The following MACROD2 variants were observed in gnomAD, a reference collection of about 807,000 sequenced individuals.
MACROD2 encodes mono-ADP ribosylhydrolase 2, also known as ADP-ribose glycohydrolase MACROD2.
In MACROD2, 36 loss-of-function variants were observed where a neutral mutation model predicts 70.4. The observed-to-expected ratio is 0.51, with a 90% CI of 0.39 to 0.68. The LOEUF is 0.68. Ranked by LOEUF, MACROD2 falls within the 30% of genes least tolerant of loss-of-function variation. The pLI is 0.00. For missense variants in MACROD2, 496 were observed against 538.4 expected, an observed-to-expected ratio of 0.92 and a Z score of 0.78; for synonymous variants, 172 against 178.8, an observed-to-expected ratio of 0.96 and a Z score of 0.30.
intron 4 of MACROD2, among the ~76,000 whole-genome samples, chr20:14,549,491 C>T (rs1978511732): frequency 6.6e-6 from 1 of 151,600 alleles, no homozygotes; most frequent in South Asian, 2.1e-4. Context: ...TGTTTATTGC[C>T]TTGCTGTAAA....
chr20:14,697,307 G>A (rs1264696176), intron 5 of MACROD2, among the ~76,000 whole-genome samples: 1 of 152,198 alleles, frequency 6.6e-6, no homozygotes, highest in Non-Finnish European at 1.5e-5. Context: ...AACGATGCCA[G>A]ATTGAGAAAC....
intron 8 of MACROD2, among the ~76,000 whole-genome samples, chr20:15,764,586 G>A (rs115312305): frequency 0.031 from 4,784 of 152,128 alleles, 284 homozygotes; most frequent in African/African-American, 0.11. Flanking sequence ...CAATCCATGT[G>A]CCAGCCACCT....
intron 7 of MACROD2, among the ~76,000 whole-genome samples, chr20:15,461,004 A>ATTTTTTTTTTTTT (rs1441910465): frequency 4.2e-5 from 2 of 47,752 alleles, no homozygotes; most frequent in African/African-American, 1.1e-4. Flanking sequence ...ATATATATAT[A>ATTTTTTTTTTTTT]TATTTTTTTT....
chr20:14,048,895 C>G (rs1350234475), intron 2 of MACROD2, among the ~76,000 whole-genome samples: 3 of 151,964 alleles, frequency 2.0e-5, no homozygotes, highest in African/African-American at 7.3e-5. Flanking sequence ...GAAATGACAG[C>G]TGAGAAATAA....
rs74795391 is a variant in MACROD2, at chr20:14,090,704, C to T, written c.271+4976C>T. On this transcript the variant is annotated intron_variant, in intron 3 of 17. Coordinates refer to ENST00000684519, the MANE Select transcript of MACROD2 (RefSeq NM_001351661.2). ...GAATATAATTCTAAAAATACATAAT[C>T]AATAATGCTGCAGTGAACATGGCAG... Among the ~76,000 whole-genome samples the T allele has an allele frequency of 1.8e-4, 27 of 152,180 alleles. No individual in the cohort carries two copies. In the East Asian group the frequency reaches 4.6e-3, roughly 26 times the overall value.
At chr20:14,092,678 C>A (rs557757881) in intron 3 of MACROD2, among the ~76,000 whole-genome samples, 1 of 152,272 alleles carries the variant, frequency 6.6e-6, no homozygotes, top group Non-Finnish European at 1.5e-5. Context: ...TTAATCCTCA[C>A]TTTTGAAATC....
chr20:15,283,436 GC>G lies in MACROD2; in HGVS notation c.540+53377del, dbSNP rs564966624. On this transcript the variant is annotated intron_variant, in intron 6 of 17. Transcript: ENST00000684519. ...ATCTGTAATCCCTGCCCTTTGGGAG[GC>G]CGAGGTGAGTGGATCACCTGAGGTC... Among the ~76,000 whole-genome samples the G allele has an allele frequency of 1.8e-3, 273 of 152,288 alleles. 1 individual carries two copies. Among genetic ancestry groups the G allele is most frequent in the Non-Finnish European group, 3.5e-3 (238 of 68,018 alleles).
chr20:15,635,126 C>T (rs1447715089), intron 8 of MACROD2, among the ~76,000 whole-genome samples: 2 of 152,320 alleles, frequency 1.3e-5, no homozygotes, highest in South Asian at 4.1e-4. Context: ...TTGCAGCCAG[C>T]TAAGCTACTG....
intron 5 of MACROD2, among the ~76,000 whole-genome samples, chr20:15,077,140 A>G (rs555381548): frequency 6.6e-6 from 1 of 152,314 alleles, no homozygotes; most frequent in African/African-American, 2.4e-5. Flanking sequence ...GAATTGTTTT[A>G]AATTCTGTTA....
chr20:15,214,101 G>A (rs759589642), intron 5 of MACROD2, among the ~76,000 whole-genome samples: 2 of 152,020 alleles, frequency 1.3e-5, no homozygotes, highest in Non-Finnish European at 1.5e-5. Context: ...TCCAGCTTCT[G>A]TGCTTTCTCC....
intron 3 of MACROD2, among the ~76,000 whole-genome samples, chr20:14,177,836 T>C (rs917166786): frequency 6.6e-6 from 1 of 152,186 alleles, no homozygotes; most frequent in Non-Finnish European, 1.5e-5. Flanking sequence ...ATACCATGTC[T>C]TATATTACAC....
At chr20:15,995,817 A>G (rs1311015010) in intron 15 of MACROD2, among the ~76,000 whole-genome samples, 43 of 150,886 alleles carry the variant, frequency 2.8e-4, no homozygotes, top group South Asian at 8.4e-4. Flanking sequence ...TCCATTATAC[A>G]TATATATTCC....
chr20:15,761,234 T>C (rs1469488808), intron 8 of MACROD2, among the ~76,000 whole-genome samples: 1 of 152,100 alleles, frequency 6.6e-6, no homozygotes, highest in African/African-American at 2.4e-5. Flanking sequence ...TTAGTAGAGA[T>C]GGGGTTTTAC....
At chr20:14,687,704 T>A (rs2071018118) in intron 5 of MACROD2, among the ~76,000 whole-genome samples, 1 of 152,182 alleles carries the variant, frequency 6.6e-6, no homozygotes, top group Non-Finnish European at 1.5e-5. Context: ...ACAGGGCATG[T>A]TTAGTAAAAA....
chr20:14,305,534 G>T (rs2082512567), intron 3 of MACROD2, among the ~76,000 whole-genome samples: 1 of 152,046 alleles, frequency 6.6e-6, no homozygotes, highest in African/African-American at 2.4e-5. Flanking sequence ...CCATGTGGTG[G>T]TTACTCTATT....
At chr20:14,631,212 AAG>A (rs1373561289) in intron 4 of MACROD2, among the ~76,000 whole-genome samples, 1 of 152,156 alleles carries the variant, frequency 6.6e-6, no homozygotes, top group Non-Finnish European at 1.5e-5. Context: ...AGTTTTTCAA[AAG>A]AGGAGATTTA....
At chr20:15,188,845 T>G (rs565817138) in intron 5 of MACROD2, among the ~76,000 whole-genome samples, 2 of 152,178 alleles carry the variant, frequency 1.3e-5, no homozygotes, top group Non-Finnish European at 2.9e-5. Flanking sequence ...CTCTTGCTCT[T>G]TTTTTGGAAC....
intron 5 of MACROD2, among the ~76,000 whole-genome samples, chr20:14,904,696 A>C (rs1394473268): frequency 3.3e-5 from 5 of 152,186 alleles, no homozygotes; most frequent in African/African-American, 9.7e-5. Context: ...ATTAAGCCTC[A>C]GTTATTTCAT....
intron 8 of MACROD2, among the ~76,000 whole-genome samples, chr20:15,591,394 A>G (rs1026689141): frequency 7.9e-5 from 12 of 152,192 alleles, no homozygotes; most frequent in African/African-American, 2.9e-4. Context: ...CCTCTGCTCA[A>G]CTGGTAACCA....
Sources: gnomAD v4.1 joint callset for allele counts (sites outside exome capture counted in the v4.1 genomes callset) on GRCh38, gnomAD v4.1.1 for gene constraint, MANE v1.5 for transcripts, NCBI Gene and HGNC (gene_info 2026-07-23, HGNC 2026-07-21) for gene names.